Variants in DCDC1 observed in about 807,000 individuals in gnomAD.
The protein encoded by DCDC1 is doublecortin domain containing 1.
In DCDC1, 200 loss-of-function variants were observed where a neutral mutation model predicts 178.3. The ratio of observed to expected loss-of-function variants is 1.12; its 90% CI spans 1.00 to 1.26. The LOEUF is 1.26. Ranked by LOEUF, DCDC1 falls within the 50% of genes most tolerant of loss-of-function variation. DCDC1 has a pLI of 0.00. For missense variants in DCDC1, 1,983 were observed against 1,749.2 expected (o/e 1.13, Z -2.38); for synonymous variants, 690 against 604.8 (o/e 1.14, Z -2.07).
chr11:31,024,404 G>A (rs1953086438), intron 20 of DCDC1, among the ~76,000 whole-genome samples: 1 of 151,752 alleles, frequency 6.6e-6, no homozygotes, highest in South Asian at 2.1e-4. Context: ...CAATCTTAAG[G>A]AACAAAGACA....
chr11:31,146,469 A>G (rs1364637438), intron 9 of DCDC1, among the ~76,000 whole-genome samples: 2 of 152,140 alleles, frequency 1.3e-5, no homozygotes, highest in East Asian at 1.9e-4. Context: ...AAGGTGCAAC[A>G]TGGAAGAAGG....
At chr11:31,263,661 A>G (rs749517642) in intron 8 of DCDC1, among the ~76,000 whole-genome samples, 1 of 152,226 alleles carries the variant, frequency 6.6e-6, no homozygotes, top group Non-Finnish European at 1.5e-5. Flanking sequence ...GTATCAAACT[A>G]TCATAGTTAT....
chr11:31,058,601 T>C (rs1022855124), intron 20 of DCDC1, among the ~76,000 whole-genome samples: 1 of 151,988 alleles, frequency 6.6e-6, no homozygotes. Flanking sequence ...ATCAGAGATA[T>C]GATGGGACTG....
At chr11:31,080,248 A>G (rs891505674) in intron 17 of DCDC1, among the ~76,000 whole-genome samples, 1 of 152,192 alleles carries the variant, frequency 6.6e-6, no homozygotes, top group African/African-American at 2.4e-5. Flanking sequence ...GTGAGGGGCT[A>G]TCCCAGTTGA....
At chr11:31,184,303 A>C (rs973627751) in intron 9 of DCDC1, among the ~76,000 whole-genome samples, 1 of 152,228 alleles carries the variant, frequency 6.6e-6, no homozygotes, top group Non-Finnish European at 1.5e-5. Context: ...TGGATTAAAG[A>C]CTTAAACGTA....
At chr11:31,006,061 A>T (rs1327796503) in intron 20 of DCDC1, among the ~76,000 whole-genome samples, 1 of 151,456 alleles carries the variant, frequency 6.6e-6, no homozygotes, top group East Asian at 1.9e-4. Flanking sequence ...TCAACCCTAC[A>T]TCTACAATCA....
At chr11:31,113,739 T>C (rs1475412113) in intron 11 of DCDC1, among the ~76,000 whole-genome samples, 3 of 152,140 alleles carry the variant, frequency 2.0e-5, no homozygotes, top group Non-Finnish European at 2.9e-5. Context: ...ACATCTTCTA[T>C]AGAGATAATC....
chr11:31,166,859 T>C (rs1966835613), intron 9 of DCDC1, among the ~76,000 whole-genome samples: 1 of 152,110 alleles, frequency 6.6e-6, no homozygotes, highest in Non-Finnish European at 1.5e-5. Context: ...TTTCTCCTTC[T>C]TACTGCTTGG....
intron 9 of DCDC1, among the ~76,000 whole-genome samples, chr11:31,221,345 A>G (rs1974239638): frequency 2.0e-5 from 3 of 152,230 alleles, no homozygotes; most frequent in Admixed American, 2.0e-4. Context: ...GGACAGGCAT[A>G]GGATAAAGTT....
intron 9 of DCDC1, among the ~76,000 whole-genome samples, chr11:31,232,823 T>C (rs139862569): frequency 1.7e-3 from 265 of 152,292 alleles, no homozygotes; most frequent in Admixed American, 2.8e-3. Flanking sequence ...CTTTGGTGGC[T>C]CATGCCTGTA....
chr11:31,164,304 A>G (rs1162818112), intron 9 of DCDC1, among the ~76,000 whole-genome samples: 2 of 152,176 alleles, frequency 1.3e-5, no homozygotes, highest in African/African-American at 4.8e-5. Flanking sequence ...AAAAAAAGAA[A>G]CGAACCAAGC....
At chr11:31,188,886 G>A (rs158146) in intron 9 of DCDC1, among the ~76,000 whole-genome samples, 50,415 of 151,978 alleles carry the variant, frequency 0.33, 9,066 homozygotes, top group East Asian at 0.63. Flanking sequence ...ATGAAGTGAG[G>A]CCTTTGGAAG....
chr11:31,031,814 C>T (rs1407178825), intron 20 of DCDC1, among the ~76,000 whole-genome samples: 1 of 152,034 alleles, frequency 6.6e-6, no homozygotes, highest in Non-Finnish European at 1.5e-5. Flanking sequence ...TCTAGAGAGA[C>T]AATGACATTT....
chr11:31,340,649 C>T (rs1950497563), intron 1 of DCDC1, among the ~76,000 whole-genome samples: 1 of 152,102 alleles, frequency 6.6e-6, no homozygotes, highest in Non-Finnish European at 1.5e-5. Flanking sequence ...ATGTGGGTCT[C>T]ATCCAATCAG....
intron 7 of DCDC1, among the ~76,000 whole-genome samples, chr11:31,271,217 A>G (rs989256510): frequency 6.6e-6 from 1 of 151,804 alleles, no homozygotes; most frequent in East Asian, 1.9e-4. Flanking sequence ...ACAGCCATCC[A>G]CTCTTTTTCC....
At chr11:30,903,776 A>G in intron 31 of DCDC1, 93 bp from the exon 32 acceptor site, 1 of 1,095,390 alleles carries the variant, frequency 9.1e-7, no homozygotes, top group Non-Finnish European at 1.2e-6. Context: ...TCTGAAAAAA[A>G]AAATAATTGA....
chr11:30,992,407 G>A (rs1158514180), intron 20 of DCDC1: 2 of 152,190 alleles, frequency 1.3e-5, no homozygotes, highest in Non-Finnish European at 2.9e-5. Flanking sequence ...CTTCCAAGGA[G>A]TTATTTAAAC....
At chr11:31,296,166 T>C (rs927053842) in intron 6 of DCDC1, among the ~76,000 whole-genome samples, 1 of 152,182 alleles carries the variant, frequency 6.6e-6, no homozygotes, top group Non-Finnish European at 1.5e-5. Flanking sequence ...GAGTGTATCC[T>C]ATGTGCCAGA....
chr11:30,899,876 T>C (rs1305437435), intron 33 of DCDC1, among the ~76,000 whole-genome samples: 2 of 152,114 alleles, frequency 1.3e-5, no homozygotes, highest in Non-Finnish European at 2.9e-5. Context: ...AGATTTACCA[T>C]ATGCAATAGC....
Sources: gnomAD v4.1 joint callset for allele counts (sites outside exome capture counted in the v4.1 genomes callset) on GRCh38, gnomAD v4.1.1 for gene constraint, MANE v1.5 for transcripts, NCBI Gene and HGNC (gene_info 2026-07-23, HGNC 2026-07-21) for gene names.